ZFP64: variants seen among roughly 807,000 people sequenced by gnomAD.
ZFP64 encodes ZFP64 zinc finger protein.
ZFP64 carries 14 observed loss-of-function variants against 51.6 expected under a neutral mutation model. That is an observed-to-expected ratio of 0.27 (90% CI 0.18 to 0.42). The LOEUF (loss-of-function observed/expected upper bound fraction) is 0.42. Among genes scored for constraint, ZFP64 ranks in the 10% least tolerant of loss-of-function variants. ZFP64 has a pLI of 1.00. For synonymous variants in ZFP64, 375 were observed against 361.4 expected (o/e 1.04, Z -0.43); for missense variants, 754 against 906.8 (o/e 0.83, Z 2.16).
chr20:52,100,072 C>A (rs2079034449), intron 5 of ZFP64, among the ~76,000 whole-genome samples: 1 of 152,228 alleles, frequency 6.6e-6, no homozygotes, highest in South Asian at 2.1e-4. Context: ...TGGCTCACTG[C>A]AAATTCCGCC....
intron 2 of ZFP64, among the ~76,000 whole-genome samples, chr20:52,185,616 T>C (rs545690515): frequency 9.0e-4 from 136 of 150,972 alleles, no homozygotes; most frequent in African/African-American, 3.2e-3. Flanking sequence ...GTCTGGCTCT[T>C]GTCCCCAAGG....
chr20:52,103,121 G>A (rs974641815), intron 5 of ZFP64, among the ~76,000 whole-genome samples: 2 of 152,156 alleles, frequency 1.3e-5, no homozygotes, highest in African/African-American at 4.8e-5. Context: ...GAGACCCTCT[G>A]CCTCTGGAAG....
intron 5 of ZFP64, among the ~76,000 whole-genome samples, chr20:52,101,684 C>T (rs1414398747): frequency 1.3e-5 from 2 of 152,020 alleles, no homozygotes; most frequent in Non-Finnish European, 2.9e-5. Flanking sequence ...GCTGGGATTA[C>T]AGGCATGAGC....
At chr20:52,093,508 T>C (rs1451347487) in intron 7 of ZFP64, among the ~76,000 whole-genome samples, 3 of 152,218 alleles carry the variant, frequency 2.0e-5, no homozygotes, top group East Asian at 1.9e-4. Flanking sequence ...TGGGAAATGA[T>C]TGCATTTTTA....
intron 7 of ZFP64, among the ~76,000 whole-genome samples, chr20:52,096,386 G>A (rs188045684): frequency 2.0e-5 from 3 of 152,358 alleles, no homozygotes; most frequent in South Asian, 2.1e-4. Context: ...AGACCCAGAG[G>A]CTAAGCCAAG....
chr20:52,122,460 G>A (rs559819162), intron 5 of ZFP64, among the ~76,000 whole-genome samples: 186 of 146,478 alleles, frequency 1.3e-3, no homozygotes, highest in Non-Finnish European at 2.1e-3. Flanking sequence ...GAGCCGAGAT[G>A]GCTCCACTGC....
intron 5 of ZFP64, among the ~76,000 whole-genome samples, chr20:52,114,459 G>A (rs371619757): frequency 1.3e-5 from 2 of 152,146 alleles, no homozygotes; most frequent in Non-Finnish European, 1.5e-5. Flanking sequence ...GGAATCACCC[G>A]GGGACCTTGT....
intron 7 of ZFP64, among the ~76,000 whole-genome samples, chr20:52,096,369 C>T (rs182116981): frequency 2.1e-3 from 323 of 152,354 alleles, no homozygotes; most frequent in African/African-American, 7.2e-3. Flanking sequence ...ACTACAGCAG[C>T]TGCCTCAGAC....
intron 6 of ZFP64, chr20:52,097,546 C>A (rs1454050709): frequency 4.1e-5 from 41 of 989,336 alleles, no homozygotes; most frequent in African/African-American, 6.6e-5. Context: ...CCTCCGCCTC[C>A]CGGGTTCAAG....
intron 5 of ZFP64, among the ~76,000 whole-genome samples, chr20:52,099,719 G>C (rs1170619265): frequency 1.3e-5 from 2 of 152,200 alleles, no homozygotes; most frequent in Non-Finnish European, 2.9e-5. Context: ...ATAATCCAGG[G>C]CAGGGAGAGA....
intron 5 of ZFP64, among the ~76,000 whole-genome samples, chr20:52,129,312 C>T (rs768309522): frequency 2.7e-5 from 4 of 149,926 alleles, no homozygotes; most frequent in Middle Eastern, 3.4e-3. Context: ...ACCGTGTTAG[C>T]CAGGGTGGAA....
intron 2 of ZFP64, among the ~76,000 whole-genome samples, chr20:52,173,935 C>T (rs1467209671): frequency 6.6e-6 from 1 of 152,142 alleles, no homozygotes; most frequent in Non-Finnish European, 1.5e-5. Flanking sequence ...CAGATGTGAG[C>T]CACCGGTGCC....
chr20:52,105,056 C>T (rs554863680), intron 5 of ZFP64: 9 of 1,390,764 alleles, frequency 6.5e-6, no homozygotes, highest in African/African-American at 1.5e-5. Flanking sequence ...GCCCGGTCCT[C>T]GTACCCGCGC....
chr20:52,150,149 G>A (rs1402838540), downstream of ZFP64, among the ~76,000 whole-genome samples: 2 of 149,986 alleles, frequency 1.3e-5, no homozygotes, highest in African/African-American at 4.9e-5. Context: ...AGCTTGTAGT[G>A]AGCTGAGATT....
intron 2 of ZFP64, among the ~76,000 whole-genome samples, chr20:52,166,712 T>G (rs1982305506): frequency 1.3e-5 from 2 of 152,174 alleles, no homozygotes; most frequent in South Asian, 4.1e-4. Flanking sequence ...TGTCTCTGCC[T>G]CCCACATTGT....
At chr20:52,187,127 T>G in intron 1 of ZFP64, 56 bp from the exon 2 acceptor site, 1 of 1,549,986 alleles carries the variant, frequency 6.5e-7, no homozygotes, top group South Asian at 1.2e-5. Flanking sequence ...TGAATTGTAA[T>G]GCAGACCAGA....
At chr20:52,099,061 C>G (rs1359037738) in intron 5 of ZFP64, among the ~76,000 whole-genome samples, 1 of 151,672 alleles carries the variant, frequency 6.6e-6, no homozygotes, top group Non-Finnish European at 1.5e-5. Flanking sequence ...AGTCCTCTTC[C>G]CCTTACTACG....
intron 7 of ZFP64, among the ~76,000 whole-genome samples, chr20:52,091,812 A>G (rs1281513431): frequency 2.6e-5 from 4 of 151,050 alleles, no homozygotes; most frequent in Non-Finnish European, 5.9e-5. Flanking sequence ...ACATGGAGAA[A>G]CCCCGTCTCT....
chr20:52,112,445 T>A (rs769473594), intron 5 of ZFP64, among the ~76,000 whole-genome samples: 1 of 152,198 alleles, frequency 6.6e-6, no homozygotes, highest in Non-Finnish European at 1.5e-5. Flanking sequence ...ACTCAACCCT[T>A]CTGAGTTGCA....
Sources: gnomAD v4.1 joint callset for allele counts (sites outside exome capture counted in the v4.1 genomes callset) on GRCh38, gnomAD v4.1.1 for gene constraint, MANE v1.5 for transcripts, NCBI Gene and HGNC (gene_info 2026-07-23, HGNC 2026-07-21) for gene names.